Variants in AK5 observed in about 807,000 individuals in gnomAD.
AK5 encodes the protein adenylate kinase isoenzyme 5.
AK5 carries 27 observed loss-of-function variants against 69.5 expected under a neutral mutation model. The ratio of observed to expected loss-of-function variants is 0.39; its 90% CI spans 0.29 to 0.54. The LOEUF (loss-of-function observed/expected upper bound fraction) is 0.54. AK5 is among the 20% of genes least tolerant of loss of function. The probability of loss-of-function intolerance (pLI) is 0.71; values close to 1 mark genes in which losing one functional copy is unlikely to be tolerated. For missense variants in AK5, 531 were observed against 700.4 expected (o/e 0.76, Z 2.73); for synonymous variants, 260 against 244.4 (o/e 1.06, Z -0.60).
At chr1:77,531,124 C>G (rs1658550947) in intron 12 of AK5, among the ~76,000 whole-genome samples, 1 of 152,062 alleles carries the variant, frequency 6.6e-6, no homozygotes, top group African/African-American at 2.4e-5. Flanking sequence ...GGAGTTTGTT[C>G]CTTCTGATGT....
At chr1:77,282,529 C>T (rs1454193111) in intron 1 of AK5, 156 bp downstream of exon 1, 13 of 1,374,758 alleles carry the variant, frequency 9.5e-6, no homozygotes, top group African/African-American at 3.0e-5. Context: ...AGGGTAGTCG[C>T]CTTTCCCGCG....
intron 8 of AK5, among the ~76,000 whole-genome samples, chr1:77,426,250 T>A (rs187560124): frequency 5.1e-4 from 78 of 152,152 alleles, no homozygotes; most frequent in Non-Finnish European, 7.2e-4. Context: ...CACTTTTAAG[T>A]ATAAAGACAC....
chr1:77,553,245 G>C (rs1269196730), intron 13 of AK5, among the ~76,000 whole-genome samples: 1 of 152,176 alleles, frequency 6.6e-6, no homozygotes, highest in African/African-American at 2.4e-5. Context: ...AGCAGAAATA[G>C]ACCATGCTAA....
At chr1:77,524,074 G>A (rs568701972) in intron 12 of AK5, among the ~76,000 whole-genome samples, 1 of 152,234 alleles carries the variant, frequency 6.6e-6, no homozygotes, top group Non-Finnish European at 1.5e-5. Flanking sequence ...TTAACAAAAT[G>A]TCCACAAGGT....
chr1:77,389,636 A>G (rs546710159), intron 6 of AK5, among the ~76,000 whole-genome samples: 1 of 152,348 alleles, frequency 6.6e-6, no homozygotes, highest in African/African-American at 2.4e-5. Context: ...AAATTATTTT[A>G]TGCATAATAT....
chr1:77,489,305 C>T (rs1176729236), intron 10 of AK5, among the ~76,000 whole-genome samples: 1 of 152,182 alleles, frequency 6.6e-6, no homozygotes, highest in Non-Finnish European at 1.5e-5. Context: ...TTTCAATTTA[C>T]TGATCAGTCA....
At chr1:77,283,566 C>G (rs572392911) in intron 1 of AK5, 1 of 985,332 alleles carries the variant, frequency 1.0e-6, no homozygotes, top group Non-Finnish European at 1.2e-6. Flanking sequence ...TTTCTCTCAC[C>G]TCTATAAGCC....
At chr1:77,461,263 G>A (rs564024020) in intron 8 of AK5, among the ~76,000 whole-genome samples, 1 of 148,804 alleles carries the variant, frequency 6.7e-6, no homozygotes, top group Non-Finnish European at 1.5e-5. Context: ...TCAATCTCCT[G>A]ACCTCGTGAT....
At chr1:77,530,174 TG>T (rs892429998) in intron 12 of AK5, among the ~76,000 whole-genome samples, 4 of 152,246 alleles carry the variant, frequency 2.6e-5, no homozygotes, top group African/African-American at 9.6e-5. Context: ...TTTAGAATTG[TG>T]GGGAGCCCTG....
At chr1:77,328,120 G>A (rs1015422130) in intron 5 of AK5, among the ~76,000 whole-genome samples, 1 of 152,148 alleles carries the variant, frequency 6.6e-6, no homozygotes, top group Non-Finnish European at 1.5e-5. Context: ...AATCAAGTTA[G>A]CAGTGAGGAA....
intron 8 of AK5, among the ~76,000 whole-genome samples, chr1:77,475,417 ACTATATATTATATATATGT>A (rs1302532787): frequency 3.6e-3 from 14 of 3,914 alleles, no homozygotes; most frequent in East Asian, 0.026. Context: ...GTATATATAT[ACTATATATTATATATATGT>A]ATATATATTA....
chr1:77,301,864 C>G (rs1346705173), intron 5 of AK5, among the ~76,000 whole-genome samples: 1 of 152,174 alleles, frequency 6.6e-6, no homozygotes, highest in African/African-American at 2.4e-5. Context: ...AGGTCCTTGC[C>G]CTGGCAGTTC....
chr1:77,475,255 T>A (rs1426195279), intron 8 of AK5, among the ~76,000 whole-genome samples: 2 of 144,462 alleles, frequency 1.4e-5, no homozygotes. Context: ...AGGCTCCATA[T>A]ATAGATATAG....
rs573577052 is a variant in AK5 at position 77,328,454 on chromosome 1, C to T, written c.700-11923C>T. Among the ~76,000 whole-genome samples the T allele has an allele frequency of 8.6e-5, 13 of 151,654 alleles. No individual in the cohort carries two copies. The East Asian group carries it at 9.7e-4, about 11-fold the overall frequency. On this transcript the variant is annotated intron_variant, in intron 5 of 13. Coordinates refer to ENST00000354567, the MANE Select transcript of AK5 (RefSeq NM_174858.3). ...GGCGGAGGTTGCAGTGAGCCGAGAT[C>T]GCACCGTTGCACTCCCAGGTGACAG... is the stretch of plus-strand genomic sequence containing the variant.
chr1:77,420,576 G>GTTAA (rs940357856), intron 8 of AK5, among the ~76,000 whole-genome samples: 1 of 152,166 alleles, frequency 6.6e-6, no homozygotes, highest in African/African-American at 2.4e-5. Context: ...AGTAAGCTCT[G>GTTAA]TTAATCCCTA....
At chr1:77,423,244 A>G (rs1051741157) in intron 8 of AK5, among the ~76,000 whole-genome samples, 3 of 150,348 alleles carry the variant, frequency 2.0e-5, no homozygotes, top group Non-Finnish European at 3.0e-5. Context: ...AAAAAAAAGA[A>G]GAACTACTGT....
intron 6 of AK5, among the ~76,000 whole-genome samples, chr1:77,379,196 G>A (rs1279514352): frequency 6.6e-6 from 1 of 152,176 alleles, no homozygotes; most frequent in Non-Finnish European, 1.5e-5. Context: ...GTAAGCCCTA[G>A]CAGAAAGCTT....
At chr1:77,287,247 G>T in intron 2 of AK5, 120 bp downstream of exon 2, 1 of 638,696 alleles carries the variant, frequency 1.6e-6, no homozygotes, top group Non-Finnish European at 2.3e-6. Flanking sequence ...GAAGTCATTG[G>T]ATCACGATTA....
intron 6 of AK5, among the ~76,000 whole-genome samples, chr1:77,376,457 A>AAAAC (rs1647256487): frequency 6.9e-6 from 1 of 145,642 alleles, no homozygotes; most frequent in African/African-American, 2.5e-5. Context: ...AAAACAAAAA[A>AAAAC]AAAAAACATG....
Sources: gnomAD v4.1 joint callset for allele counts (sites outside exome capture counted in the v4.1 genomes callset) on GRCh38, gnomAD v4.1.1 for gene constraint, MANE v1.5 for transcripts, NCBI Gene and HGNC (gene_info 2026-07-23, HGNC 2026-07-21) for gene names.